The following CACNA2D3 variants were observed in gnomAD, a reference collection of about 807,000 sequenced individuals.
CACNA2D3 encodes voltage-dependent calcium channel subunit alpha-2/delta-3.
CACNA2D3 carries 60 observed loss-of-function variants against 160.6 expected under a neutral mutation model. The ratio of observed to expected loss-of-function variants is 0.37; its 90% confidence interval spans 0.30 to 0.46. The LOEUF (loss-of-function observed/expected upper bound fraction) is 0.46. Among genes scored for constraint, CACNA2D3 ranks in the 20% least tolerant of loss-of-function variants. The pLI, the probability that CACNA2D3 is intolerant of heterozygous loss-of-function variation, is 1.00. For missense variants in CACNA2D3, 1,205 were observed against 1,365.0 expected, an observed-to-expected ratio of 0.88 and a Z score of 1.85; for synonymous variants, 558 against 492.9, an observed-to-expected ratio of 1.13 and a Z score of -1.75.
In CACNA2D3 at chr3:54,149,883, GTCTCTCTCTC is replaced by G. The variant is rs554851240; in HGVS notation, c.204+26328_204+26337del. 9.3e-3 allele frequency among the ~76,000 whole-genome samples: 567 copies of G among 60,694 alleles called. 24 individuals carry two copies. The highest frequency in any genetic ancestry group is 0.069 in the East Asian group (128 of 1,842). The allele number at this position is 60,694 out of a possible 152,430, so 39.8% of individuals were successfully genotyped here. A position where few individuals can be genotyped will look rare whatever the true frequency, so the allele number is the denominator to read the frequency against. ...CAGAGAGGGCTGTCCTGAAGTATCT[GTCTCTCTCTC>G]TCTCTCTCTCTCTCTCTCTCTCTCT... On this transcript the variant is annotated intron_variant, in intron 2 of 37. Coordinates refer to ENST00000474759, the MANE Select transcript of CACNA2D3 (RefSeq NM_018398.3).
chr3:54,870,273 A>G (rs1049580107), intron 17 of CACNA2D3, among the ~76,000 whole-genome samples: 1 of 152,130 alleles, frequency 6.6e-6, no homozygotes, highest in African/African-American at 2.4e-5. Flanking sequence ...CATGCCCAGT[A>G]TGGCCTCAGC....
intron 9 of CACNA2D3, among the ~76,000 whole-genome samples, chr3:54,600,036 G>T (rs547911105): frequency 6.6e-6 from 1 of 152,056 alleles, no homozygotes; most frequent in Non-Finnish European, 1.5e-5. Context: ...TTATTTTTTT[G>T]CCTGAAACAC....
chr3:54,685,873 T>A (rs1700440660), intron 11 of CACNA2D3, among the ~76,000 whole-genome samples: 1 of 152,198 alleles, frequency 6.6e-6, no homozygotes. Context: ...CCTACTATAA[T>A]CATTAACTTA....
In CACNA2D3 at chr3:54,351,046, A is replaced by T. The variant is rs1698555778; in HGVS notation, c.321+30488A>T. ...CTGTGTCGCCCAGGCTGGAGGCGCGATCTCGGCTCACTGCAACCTCCACCT... is the reference window on the plus strand; with the variant it reads ...CTGTGTCGCCCAGGCTGGAGGCGCGTTCTCGGCTCACTGCAACCTCCACCT... On this transcript the variant is annotated intron_variant, in intron 3 of 37. Coordinates refer to ENST00000474759, the MANE Select transcript of CACNA2D3 (RefSeq NM_018398.3). Among the ~76,000 whole-genome samples the T allele has an allele frequency of 4.7e-5, 6 of 127,792 alleles. No individual in the cohort carries two copies. The South Asian group carries it at 1.5e-3, about 33-fold the overall frequency. 83.8% of individuals were successfully genotyped at this position (127,792 alleles called of 152,430 possible).
At chr3:54,821,715 T>C (rs1703605326) in intron 14 of CACNA2D3, among the ~76,000 whole-genome samples, 1 of 138,322 alleles carries the variant, frequency 7.2e-6, no homozygotes, top group African/African-American at 2.7e-5. Context: ...CTTCCTTCTT[T>C]CCTCTCTCTC....
At chr3:54,225,809 A>G (rs1181352879) in intron 2 of CACNA2D3, among the ~76,000 whole-genome samples, 4 of 151,144 alleles carry the variant, frequency 2.6e-5, no homozygotes, top group African/African-American at 9.8e-5. Flanking sequence ...GTGTATTGAT[A>G]TGCTCAGCAA....
At position 55,065,570 on chromosome 3, in the gene CACNA2D3, G is replaced by C. The variant is rs80055723; in HGVS notation, c.2988-7875G>C. The stretch of plus-strand genomic sequence containing the variant: ...TGGTCCCAGCTCCTTGGGAGACTGA[G>C]TGGGAAGGATTGCTTGAGCCCAGGA... On this transcript the variant is annotated intron_variant, in intron 35 of 37. Transcript: ENST00000474759. Among the ~76,000 whole-genome samples the C allele has an allele frequency of 6.6e-4, 100 of 152,262 alleles. 1 individual carries two copies. The highest frequency in any genetic ancestry group is 2.3e-3 in the African/African-American group (94 of 41,560).
intron 27 of CACNA2D3, among the ~76,000 whole-genome samples, chr3:54,965,920 G>A (rs1424831517): frequency 6.6e-6 from 1 of 152,160 alleles, no homozygotes; most frequent in Non-Finnish European, 1.5e-5. Flanking sequence ...GATGCAGCCT[G>A]CTGGAGGGAG....
At chr3:54,608,039 A>T (rs1698672919) in intron 9 of CACNA2D3, among the ~76,000 whole-genome samples, 1 of 152,194 alleles carries the variant, frequency 6.6e-6, no homozygotes, top group Admixed American at 6.5e-5. Flanking sequence ...GGTTATTGCA[A>T]GGGAGTTTCT....
At chr3:54,127,871 A>T (rs1396835124) in intron 2 of CACNA2D3, among the ~76,000 whole-genome samples, 2 of 151,888 alleles carry the variant, frequency 1.3e-5, no homozygotes, top group African/African-American at 4.8e-5. Context: ...GTTACTCATG[A>T]CCACTTGCTA....
At chr3:54,628,458 G>C (rs1392348670) in intron 10 of CACNA2D3, among the ~76,000 whole-genome samples, 1 of 152,168 alleles carries the variant, frequency 6.6e-6, no homozygotes, top group Non-Finnish European at 1.5e-5. Context: ...ACTAATGAGG[G>C]CTTTGACTGT....
intron 11 of CACNA2D3, among the ~76,000 whole-genome samples, chr3:54,650,292 G>A (rs1312321275): frequency 2.0e-5 from 3 of 151,894 alleles, no homozygotes; most frequent in Non-Finnish European, 4.4e-5. Context: ...TCCGCCTCCC[G>A]GGTTCAAGTG....
intron 31 of CACNA2D3, among the ~76,000 whole-genome samples, chr3:55,003,555 G>T (rs1017851671): frequency 1.3e-5 from 2 of 152,136 alleles, no homozygotes; most frequent in Admixed American, 6.5e-5. Context: ...ACCCAATGGG[G>T]TACAGATGCT....
intron 30 of CACNA2D3, among the ~76,000 whole-genome samples, chr3:54,987,173 C>T (rs1006577699): frequency 3.3e-5 from 5 of 152,150 alleles, no homozygotes; most frequent in African/African-American, 1.2e-4. Context: ...AAGTGATCCT[C>T]AGAAAGTGAT....
intron 2 of CACNA2D3, among the ~76,000 whole-genome samples, chr3:54,131,064 G>A (rs1320107442): frequency 6.6e-6 from 1 of 152,226 alleles, no homozygotes; most frequent in Non-Finnish European, 1.5e-5. Flanking sequence ...ATTGGCTCCT[G>A]CCAGTGAGTT....
chr3:54,667,934 G>A (rs1225339801), intron 11 of CACNA2D3, among the ~76,000 whole-genome samples: 2 of 112,592 alleles, frequency 1.8e-5, no homozygotes, highest in South Asian at 6.7e-4. Context: ...GCGACAGAAT[G>A]AGACCCCCAT....
chr3:54,935,844 A>G (rs1026831784), intron 27 of CACNA2D3, among the ~76,000 whole-genome samples: 2 of 152,250 alleles, frequency 1.3e-5, no homozygotes, highest in African/African-American at 4.8e-5. Context: ...TCTTTGATAT[A>G]TACATAGCTT....
chr3:54,816,699 A>G (rs943671040), intron 13 of CACNA2D3, among the ~76,000 whole-genome samples, 154 bp from the exon 14 acceptor site: 4 of 152,226 alleles, frequency 2.6e-5, no homozygotes. Flanking sequence ...CTGTAGCTTC[A>G]TTTTGAAAAA....
intron 35 of CACNA2D3, among the ~76,000 whole-genome samples, chr3:55,064,563 C>T (rs1385507606): frequency 6.6e-6 from 1 of 152,144 alleles, no homozygotes; most frequent in Non-Finnish European, 1.5e-5. Flanking sequence ...TGTGCATGCC[C>T]CATTGGCCTC....
Sources: allele counts gnomAD v4.1 joint callset (sites outside exome capture counted in the v4.1 genomes callset), GRCh38; gene constraint gnomAD v4.1.1; transcripts MANE v1.5; gene names NCBI Gene and HGNC (gene_info 2026-07-23, HGNC 2026-07-21).